LRP1B: variants seen among roughly 807,000 people sequenced by gnomAD.
LRP1B encodes low-density lipoprotein receptor-related protein 1B.
LRP1B carries 217 observed loss-of-function variants against 556.6 expected under a neutral mutation model. The observed-to-expected ratio is 0.39, with a 90% CI of 0.35 to 0.44. The LOEUF is 0.44. LRP1B is among the 20% of genes least tolerant of loss of function. LRP1B has a pLI of 1.00. For missense variants in LRP1B, 5,053 were observed against 5,620.8 expected (o/e 0.90, Z 3.23); for synonymous variants, 2,047 against 1,865.8 (o/e 1.10, Z -2.50).
At chr2:141,073,105 C>T (rs1194362195) in intron 7 of LRP1B, among the ~76,000 whole-genome samples, 1 of 152,042 alleles carries the variant, frequency 6.6e-6, no homozygotes, top group Non-Finnish European at 1.5e-5. Context: ...AACCACCTTC[C>T]ATTTATAGTC....
At chr2:140,657,059 C>T (rs1240849903) in intron 41 of LRP1B, among the ~76,000 whole-genome samples, 1 of 151,814 alleles carries the variant, frequency 6.6e-6, no homozygotes, top group Non-Finnish European at 1.5e-5. Flanking sequence ...CTATATATAC[C>T]TCAAAATGAT....
chr2:141,167,304 A>G (rs890390011), intron 7 of LRP1B: 7 of 151,940 alleles, frequency 4.6e-5, no homozygotes, highest in Admixed American at 3.9e-4. Context: ...AGGAGACAGA[A>G]GAATCTTCTT....
chr2:140,831,746 G>C (rs1411853068), intron 31 of LRP1B, among the ~76,000 whole-genome samples: 1 of 152,032 alleles, frequency 6.6e-6, no homozygotes, highest in African/African-American at 2.4e-5. Context: ...TCTACAGAAT[G>C]GAAGAAAATA....
At chr2:141,377,520 A>G (rs1333342418) in intron 3 of LRP1B, among the ~76,000 whole-genome samples, 1 of 152,032 alleles carries the variant, frequency 6.6e-6, no homozygotes, top group Non-Finnish European at 1.5e-5. Context: ...CCAATTTTTT[A>G]GTTATCCTCA....
At chr2:141,670,411 A>G (rs975453624) in intron 2 of LRP1B, among the ~76,000 whole-genome samples, 1 of 152,236 alleles carries the variant, frequency 6.6e-6, no homozygotes, top group Non-Finnish European at 1.5e-5. Flanking sequence ...CTTTATAATT[A>G]GGAAGAAAAT....
intron 1 of LRP1B, among the ~76,000 whole-genome samples, chr2:141,897,166 C>T (rs13418027): frequency 0.42 from 63,698 of 151,900 alleles, 13,830 homozygotes; most frequent in South Asian, 0.56. Context: ...AAGTCCAAAA[C>T]ATTCAGTCTA....
chr2:141,007,201 T>A (rs1166061011), intron 14 of LRP1B, among the ~76,000 whole-genome samples: 1 of 151,856 alleles, frequency 6.6e-6, no homozygotes, highest in African/African-American at 2.4e-5. Context: ...GTTATTATAC[T>A]GAGGCTCAGA....
intron 2 of LRP1B, among the ~76,000 whole-genome samples, chr2:141,540,404 G>T (rs1297462437): frequency 6.6e-6 from 1 of 151,920 alleles, no homozygotes; most frequent in Admixed American, 6.6e-5. Context: ...TAAGTGCATT[G>T]GAGTGTGTGT....
chr2:140,338,063 A>G (rs1405640070), intron 77 of LRP1B, among the ~76,000 whole-genome samples: 1 of 149,112 alleles, frequency 6.7e-6, no homozygotes, highest in Non-Finnish European at 1.5e-5. Context: ...ATGGATTAGA[A>G]AAACGAAAAA....
chr2:142,101,889 A>G (rs1706578859), intron 1 of LRP1B, among the ~76,000 whole-genome samples: 1 of 152,054 alleles, frequency 6.6e-6, no homozygotes, highest in Admixed American at 6.6e-5. Flanking sequence ...TGTTCTGAGA[A>G]CATAAACCAT....
intron 2 of LRP1B, among the ~76,000 whole-genome samples, chr2:141,586,679 A>C (rs1687145685): frequency 6.6e-6 from 1 of 152,176 alleles, no homozygotes; most frequent in African/African-American, 2.4e-5. Context: ...GCGGTGGCTC[A>C]CGCCTGTAAT....
chr2:141,834,567 T>C (rs935133798), intron 1 of LRP1B, among the ~76,000 whole-genome samples: 1 of 151,752 alleles, frequency 6.6e-6, no homozygotes, highest in African/African-American at 2.4e-5. Context: ...AGCTAACGAG[T>C]TCTGTTTTGA....
At chr2:141,943,517 A>T (rs1233148496) in intron 1 of LRP1B, among the ~76,000 whole-genome samples, 3 of 152,200 alleles carry the variant, frequency 2.0e-5, no homozygotes, top group Non-Finnish European at 4.4e-5. Flanking sequence ...TATTTAAATT[A>T]CCAAATAGTG....
intron 3 of LRP1B, among the ~76,000 whole-genome samples, chr2:141,313,139 C>G (rs776884712): frequency 9.2e-5 from 14 of 152,050 alleles, no homozygotes; most frequent in Non-Finnish European, 1.8e-4. Context: ...GAAGCTTACA[C>G]TATTTCTTTT....
intron 86 of LRP1B, among the ~76,000 whole-genome samples, chr2:140,267,517 T>G (rs940361412): frequency 6.6e-6 from 1 of 151,986 alleles, no homozygotes; most frequent in Non-Finnish European, 1.5e-5. Flanking sequence ...AAATAGTTGT[T>G]TTACTGTATT....
chr2:140,297,994 A>G (rs927662363), intron 83 of LRP1B, 25 bp from the exon 84 acceptor site: 2 of 1,557,610 alleles, frequency 1.3e-6, no homozygotes, highest in South Asian at 2.4e-5. Context: ...AAGTAATAAA[A>G]AGCAAATTAT....
At chr2:141,012,183 A>G (rs1478314880) in intron 14 of LRP1B, among the ~76,000 whole-genome samples, 6 of 152,018 alleles carry the variant, frequency 3.9e-5, no homozygotes, top group African/African-American at 1.4e-4. Context: ...TAAACAACTC[A>G]CTAAAGCAAC....
chr2:141,188,619 G>A (rs780010675), intron 6 of LRP1B, 36 bp from the exon 7 acceptor site: 3 of 1,579,124 alleles, frequency 1.9e-6, no homozygotes, highest in Non-Finnish European at 2.6e-6. Context: ...TGAATCACAG[G>A]TGCAATCTAG....
chr2:140,867,227 C>T (rs2105152094), intron 27 of LRP1B, among the ~76,000 whole-genome samples: 1 of 152,124 alleles, frequency 6.6e-6, no homozygotes, highest in African/African-American at 2.4e-5. Context: ...CCTGTGAACT[C>T]ACTTCTCCTA....
Sources: gnomAD v4.1 joint callset for allele counts (sites outside exome capture counted in the v4.1 genomes callset) on GRCh38, gnomAD v4.1.1 for gene constraint, MANE v1.5 for transcripts, NCBI Gene and HGNC (gene_info 2026-07-23, HGNC 2026-07-21) for gene names.